The following SLC16A12 variants were observed in gnomAD, a reference collection of about 807,000 sequenced individuals.
SLC16A12 encodes solute carrier family 16 member 12, also known as monocarboxylate transporter 12.
Under a neutral mutation model 42.4 loss-of-function variants are expected in SLC16A12, and 17 were observed. The observed-to-expected ratio is 0.40, with a 90% CI of 0.27 to 0.60. The LOEUF is 0.60. Ranked by LOEUF, SLC16A12 falls within the 20% of genes least tolerant of loss-of-function variation. SLC16A12 has a pLI of 0.42. For synonymous variants in SLC16A12, 224 were observed against 229.4 expected, an observed-to-expected ratio of 0.98 and a Z score of 0.21; for missense variants, 544 against 623.0, an observed-to-expected ratio of 0.87 and a Z score of 1.35.
intron 2 of SLC16A12, among the ~76,000 whole-genome samples, chr10:89,507,242 C>T (rs1843078353): frequency 1.3e-5 from 2 of 152,022 alleles, no homozygotes; most frequent in Admixed American, 6.6e-5. Context: ...AGATATTCCT[C>T]GAGAAGAGCA....
chr10:89,516,096 G>A (rs1020918644), intron 2 of SLC16A12, among the ~76,000 whole-genome samples: 2 of 152,098 alleles, frequency 1.3e-5, no homozygotes, highest in African/African-American at 4.8e-5. Flanking sequence ...TTACTCACAG[G>A]AACACACCGG....
intron 2 of SLC16A12, among the ~76,000 whole-genome samples, chr10:89,497,354 C>A (rs1842935017): frequency 6.6e-6 from 1 of 152,014 alleles, no homozygotes; most frequent in Non-Finnish European, 1.5e-5. Flanking sequence ...CAGGTAGAAA[C>A]AAAGAAATTC....
At chr10:89,487,809 CAAAAAAAAAAAA>C (rs71022569) in intron 2 of SLC16A12, among the ~76,000 whole-genome samples, 9,840 of 84,778 alleles carry the variant, frequency 0.12, 552 homozygotes, top group East Asian at 0.31. Flanking sequence ...GATTCTGTCT[CAAAAAAAAAAAA>C]AAAAAAAAGG....
chr10:89,488,632 G>A (rs377160836), intron 2 of SLC16A12, among the ~76,000 whole-genome samples: 1 of 152,182 alleles, frequency 6.6e-6, no homozygotes, highest in Non-Finnish European at 1.5e-5. Context: ...CAGCAGCAAC[G>A]ACTAACTGAC....
intron 3 of SLC16A12, among the ~76,000 whole-genome samples, chr10:89,456,835 G>A (rs1842199923): frequency 6.6e-6 from 1 of 152,056 alleles, no homozygotes; most frequent in Non-Finnish European, 1.5e-5. Context: ...GCTTCCTGAG[G>A]TTAATGGCTT....
intron 2 of SLC16A12, among the ~76,000 whole-genome samples, chr10:89,512,983 T>C (rs1843188424): frequency 6.6e-6 from 1 of 152,324 alleles, no homozygotes; most frequent in African/African-American, 2.4e-5. Context: ...CTAGGTGGTA[T>C]CTGTAGAGAA....
rs1206713235 is a variant in SLC16A12 at position 89,555,598 on chromosome 10, CAT to C, written c.-47+282_-47+283del. Among the ~76,000 whole-genome samples, 7 of 132,670 alleles carry C rather than the reference CAT, an allele frequency of 5.3e-5. No individual in the cohort carries two copies. The East Asian group carries it at 1.0e-3, about 20-fold the overall frequency. The allele number at this position is 132,670 out of a possible 152,430, so 87.0% of individuals were successfully genotyped here. A position where few individuals can be genotyped will look rare whatever the true frequency, so the allele number is the denominator to read the frequency against. On this transcript the variant is annotated intron_variant, in intron 2 of 2. Transcript: ENST00000475682. ...GTATATGTATATATGTATATATACA[CAT>C]ATATACATATATATACAGATATGTA...
chr10:89,433,073 G>T lies in SLC16A12; in HGVS notation c.1542C>A (p.Ser514Arg), dbSNP rs151275788. The change falls in exon 8 of 8, where the codon AGC becomes AGA. Residue 514 changes from serine (S) to arginine (R), a missense_variant. Ser to Arg is a moderately radical substitution (Grantham distance 110, BLOSUM62 -1). Transcript: ENST00000371790. ...EPVATAVPGY[S>R]LT Reference sequence around the variant, plus strand: ...GGCTCAAGGCCTTTGGTCATGTGAGGCTGTAGCCAGGCACTGCTGTAGCCA... The same window carrying T: ...GGCTCAAGGCCTTTGGTCATGTGAGTCTGTAGCCAGGCACTGCTGTAGCCA... 5.2e-5 allele frequency: 84 copies of T among 1,614,032 alleles called. 1 individual carries two copies. The Middle Eastern group carries it at 6.6e-4, about 13-fold the overall frequency.
chr10:89,460,457 G>T (rs900134504), intron 3 of SLC16A12, among the ~76,000 whole-genome samples: 1 of 142,198 alleles, frequency 7.0e-6, no homozygotes, highest in African/African-American at 2.6e-5. Context: ...GGGCACAGTG[G>T]CTCACGTCTG....
At chr10:89,451,809 ATTCACACATAGTG>A (rs1277921710) in intron 3 of SLC16A12, among the ~76,000 whole-genome samples, 1 of 152,188 alleles carries the variant, frequency 6.6e-6, no homozygotes, top group Non-Finnish European at 1.5e-5. Context: ...GTGATGCACC[ATTCACACATAGTG>A]TTAGAGATGT....
At position 89,462,478 on chromosome 10, in the gene SLC16A12, A is replaced by G; in HGVS notation, c.101T>C (p.Val34Ala). The change falls in exon 3 of 8, where the codon GTA becomes GCA. Residue 34 changes from valine to alanine, a missense_variant. Transcript: ENST00000371790. The stretch of plus-strand genomic sequence containing the variant: ...AGGGGAGGTAGACCGAGCTCTATTT[A>G]CTTTTGCCATGGTTTTTCTTTTTTC... ...KEEKRKTMAK[V>A]NRARSTSPPD... The G allele has an allele frequency of 1.2e-6, 2 of 1,614,018 alleles. No homozygotes were observed. Among genetic ancestry groups the G allele is most frequent in the Non-Finnish European group, 1.7e-6 (2 of 1,179,942 alleles).
intron 2 of SLC16A12, among the ~76,000 whole-genome samples, chr10:89,482,236 C>A (rs1371463105): frequency 2.5e-3 from 268 of 106,132 alleles, no homozygotes; most frequent in Middle Eastern, 5.3e-3. Context: ...AAGAATACAC[C>A]AAAAAAAAAA....
At chr10:89,472,286 TTAA>T (rs1261422861) in intron 2 of SLC16A12, among the ~76,000 whole-genome samples, 1 of 102,540 alleles carries the variant, frequency 9.8e-6, no homozygotes, top group Non-Finnish European at 2.2e-5. Context: ...TATTTTTACA[TTAA>T]TAATAATGTA....
chr10:89,472,934 C>T (rs1054410733), intron 2 of SLC16A12, among the ~76,000 whole-genome samples: 1 of 152,028 alleles, frequency 6.6e-6, no homozygotes, highest in East Asian at 1.9e-4. Flanking sequence ...TCTACCACCT[C>T]GGCAACCCAA....
intron 2 of SLC16A12, among the ~76,000 whole-genome samples, chr10:89,551,486 C>A (rs1843770813): frequency 6.6e-6 from 1 of 152,088 alleles, no homozygotes; most frequent in African/African-American, 2.4e-5. Flanking sequence ...ATTGTTCTTC[C>A]AACCCAGTGC....
At chr10:89,487,203 T>C (rs907421261) in intron 2 of SLC16A12, among the ~76,000 whole-genome samples, 6 of 152,148 alleles carry the variant, frequency 3.9e-5, no homozygotes, top group African/African-American at 1.4e-4. Flanking sequence ...ATCTAACTCA[T>C]TAATTGGGTG....
At chr10:89,435,947 A>C in intron 7 of SLC16A12, 113 bp downstream of exon 7, 1 of 1,470,386 alleles carries the variant, frequency 6.8e-7, no homozygotes, top group East Asian at 2.4e-5. Context: ...TTTCTCTTTC[A>C]CTCTTCCCCA....
chr10:89,504,976 G>A (rs1843037607), intron 2 of SLC16A12, among the ~76,000 whole-genome samples: 2 of 152,126 alleles, frequency 1.3e-5, no homozygotes, highest in Non-Finnish European at 1.5e-5. Context: ...CCAGGTGAAG[G>A]CTGAGCAGAC....
At chr10:89,481,552 G>C (rs1842660609) in intron 2 of SLC16A12, among the ~76,000 whole-genome samples, 1 of 151,542 alleles carries the variant, frequency 6.6e-6, no homozygotes, top group Admixed American at 6.6e-5. Flanking sequence ...TGCCCAAGAA[G>C]CCAAAAACAA....
Sources: gnomAD v4.1 joint callset for allele counts (sites outside exome capture counted in the v4.1 genomes callset) on GRCh38, gnomAD v4.1.1 for gene constraint, MANE v1.5 for transcripts, NCBI Gene and HGNC (gene_info 2026-07-23, HGNC 2026-07-21) for gene names.